Variants in SPATA17 observed in about 807,000 individuals in gnomAD.
SPATA17 encodes the protein spermatogenesis associated 17, also known as spermatogenesis-associated protein 17.
SPATA17 carries 53 observed loss-of-function variants against 62.2 expected under a neutral mutation model. That is an observed-to-expected ratio of 0.85 (90% CI 0.68 to 1.07). The LOEUF (loss-of-function observed/expected upper bound fraction) is 1.07, where lower values mean the gene tolerates loss of function less well. Ranked by LOEUF, SPATA17 falls within the 50% of genes least tolerant of loss-of-function variation. SPATA17 has a pLI of 0.00. For missense variants in SPATA17, 466 were observed against 425.5 expected (o/e 1.10, Z -0.84); for synonymous variants, 146 against 146.8 (o/e 0.99, Z 0.04).
chr1:217,769,597 T>C (rs1026425872), intron 6 of SPATA17, among the ~76,000 whole-genome samples: 1 of 152,232 alleles, frequency 6.6e-6, no homozygotes, highest in Non-Finnish European at 1.5e-5. Flanking sequence ...GATCCGCATT[T>C]AATGTGACCC....
intron 5 of SPATA17, among the ~76,000 whole-genome samples, chr1:217,691,179 A>G (rs1037306600): frequency 2.0e-5 from 3 of 149,408 alleles, no homozygotes; most frequent in Admixed American, 6.7e-5. Context: ...AATGATCACC[A>G]TTCTAACTGG....
At chr1:217,631,568 C>T (rs1455229266) in intron 1 of SPATA17, 122 bp downstream of exon 1, 1 of 987,028 alleles carries the variant, frequency 1.0e-6, no homozygotes, top group South Asian at 1.5e-5. Flanking sequence ...GTACCCAATT[C>T]TTCCCTTAAT....
At chr1:217,862,619 A>T (rs1279395605) in intron 9 of SPATA17, among the ~76,000 whole-genome samples, 155 bp from the exon 10 acceptor site, 1 of 152,188 alleles carries the variant, frequency 6.6e-6, no homozygotes, top group Non-Finnish European at 1.5e-5. Flanking sequence ...AACTTCAAAA[A>T]TTTACCTGCT....
chr1:217,823,258 C>T (rs1225870862), intron 9 of SPATA17, among the ~76,000 whole-genome samples: 5 of 151,414 alleles, frequency 3.3e-5, no homozygotes, highest in East Asian at 1.9e-4. Context: ...AGTACAAGTT[C>T]GTGGTTAGGA....
intron 9 of SPATA17, among the ~76,000 whole-genome samples, chr1:217,856,478 G>T (rs1440653402): frequency 6.6e-6 from 1 of 152,172 alleles, no homozygotes; most frequent in African/African-American, 2.4e-5. Flanking sequence ...GAAGTAATAA[G>T]AAAGTTTTCA....
At position 217,847,851 on chromosome 1, in the gene SPATA17, G is replaced by A. The variant is rs1277717620; in HGVS notation, c.1006-14923G>A. On this transcript the variant is annotated intron_variant, in intron 9 of 10. Coordinates refer to ENST00000366933, the MANE Select transcript of SPATA17 (RefSeq NM_138796.4). ...GTTCAGGACCAGCCTGGGCAACACA[G>A]TGAGACCCCATCCCTACAAAAAATA... is the stretch of plus-strand genomic sequence containing the variant. Among the ~76,000 whole-genome samples, 4 of 152,186 alleles carry A rather than the reference G, an allele frequency of 2.6e-5. No individual in the cohort carries two copies. In the East Asian group the frequency reaches 5.8e-4, roughly 22 times the overall value.
At chr1:217,816,657 A>G (rs542859891) in intron 9 of SPATA17, among the ~76,000 whole-genome samples, 2 of 152,142 alleles carry the variant, frequency 1.3e-5, no homozygotes, top group South Asian at 2.1e-4. Flanking sequence ...TCATATATAC[A>G]TATAACTAGT....
chr1:217,846,806 T>C (rs1405907989), intron 9 of SPATA17, among the ~76,000 whole-genome samples: 2 of 152,068 alleles, frequency 1.3e-5, no homozygotes, highest in Non-Finnish European at 2.9e-5. Flanking sequence ...GAGTGGTTAA[T>C]TTACTTAACA....
chr1:217,659,290 T>C (rs1670513767), intron 3 of SPATA17, among the ~76,000 whole-genome samples: 2 of 151,624 alleles, frequency 1.3e-5, no homozygotes, highest in Admixed American at 1.3e-4. Context: ...AAATGACACT[T>C]CAGCTAACCC....
intron 5 of SPATA17, among the ~76,000 whole-genome samples, chr1:217,728,889 A>G (rs1672332394): frequency 6.6e-6 from 1 of 152,222 alleles, no homozygotes; most frequent in Non-Finnish European, 1.5e-5. Context: ...ATTGGCTGTC[A>G]GGTAAGCCTT....
intron 6 of SPATA17, among the ~76,000 whole-genome samples, chr1:217,756,665 C>T (rs1673051608): frequency 6.6e-6 from 1 of 152,128 alleles, no homozygotes; most frequent in African/African-American, 2.4e-5. Context: ...CTTCAGAGAT[C>T]AGGAGGTGGA....
At chr1:217,636,550 T>A (rs1418871646) in intron 1 of SPATA17, among the ~76,000 whole-genome samples, 1 of 152,096 alleles carries the variant, frequency 6.6e-6, no homozygotes, top group Non-Finnish European at 1.5e-5. Flanking sequence ...GTAGCTGGGA[T>A]TACAGGCACC....
intron 10 of SPATA17, among the ~76,000 whole-genome samples, 189 bp downstream of exon 10, chr1:217,863,045 T>C (rs989815285): frequency 6.6e-6 from 1 of 152,038 alleles, no homozygotes; most frequent in African/African-American, 2.4e-5. Flanking sequence ...TGAATTTTAC[T>C]TTTCAGATCT....
intron 3 of SPATA17, among the ~76,000 whole-genome samples, chr1:217,656,667 A>G (rs1033262169): frequency 6.6e-6 from 1 of 152,208 alleles, no homozygotes; most frequent in Non-Finnish European, 1.5e-5. Flanking sequence ...TAATTATGAA[A>G]TAAGATTAAA....
intron 3 of SPATA17, among the ~76,000 whole-genome samples, chr1:217,667,817 C>T (rs933746763): frequency 1.3e-5 from 2 of 152,212 alleles, no homozygotes; most frequent in African/African-American, 4.8e-5. Context: ...ACCTCAAACA[C>T]CAATTACGCC....
chr1:217,837,198 G>A (rs1009546692), intron 9 of SPATA17, among the ~76,000 whole-genome samples: 1 of 152,020 alleles, frequency 6.6e-6, no homozygotes, highest in Non-Finnish European at 1.5e-5. Context: ...GAGATTTGGG[G>A]AAGAAGCAAA....
At chr1:217,862,058 G>A (rs1239824699) in intron 9 of SPATA17, among the ~76,000 whole-genome samples, 4 of 147,278 alleles carry the variant, frequency 2.7e-5, no homozygotes, top group South Asian at 2.2e-4. Flanking sequence ...TTTCTCCTAT[G>A]TTTTCTTAAG....
intron 3 of SPATA17, chr1:217,665,474 C>T (rs1179820923): frequency 6.6e-6 from 1 of 152,154 alleles, no homozygotes. Flanking sequence ...GGTATGAAGA[C>T]TGTAGGTTGT....
At chr1:217,828,507 T>TTTTTTTTTTTTTTTTTTTTTTTTTTGA (rs1553254697) in intron 9 of SPATA17, among the ~76,000 whole-genome samples, 1 of 132,408 alleles carries the variant, frequency 7.6e-6, no homozygotes, top group Non-Finnish European at 1.7e-5. Context: ...TCTTTGATAT[T>TTTTTTTTTTTTTTTTTTTTTTTTTTGA]GACATTGGAA....
Sources: allele counts gnomAD v4.1 joint callset (sites outside exome capture counted in the v4.1 genomes callset), GRCh38; gene constraint gnomAD v4.1.1; transcripts MANE v1.5; gene names NCBI Gene and HGNC (gene_info 2026-07-23, HGNC 2026-07-21).